Variants in RBM20 observed in about 807,000 individuals in gnomAD.
RBM20 encodes RNA binding motif protein 20.
RBM20 carries 51 observed loss-of-function variants against 110.1 expected under a neutral mutation model. That is an observed-to-expected ratio of 0.46 (90% confidence interval 0.37 to 0.59). The LOEUF (loss-of-function observed/expected upper bound fraction) is 0.59. RBM20 is among the 20% of genes least tolerant of loss of function. The pLI is 0.00. For missense variants in RBM20, 1,512 were observed against 1,574.9 expected (o/e 0.96, Z 0.68); for synonymous variants, 589 against 618.2 (o/e 0.95, Z 0.70).
intron 5 of RBM20, among the ~76,000 whole-genome samples, chr10:110,788,587 C>A (rs528523804): frequency 6.6e-5 from 10 of 152,202 alleles, no homozygotes; most frequent in Admixed American, 3.9e-4. Flanking sequence ...GCTGGTCCCC[C>A]GGTTTGCCAT....
intron 1 of RBM20, among the ~76,000 whole-genome samples, chr10:110,700,144 A>AG (rs1862736155): frequency 6.6e-6 from 1 of 152,138 alleles, no homozygotes; most frequent in South Asian, 2.1e-4. Flanking sequence ...ACTGTGGGTA[A>AG]GGGGGGACTA....
intron 1 of RBM20, among the ~76,000 whole-genome samples, chr10:110,692,202 A>G (rs1428999644): frequency 6.6e-6 from 1 of 152,104 alleles, no homozygotes; most frequent in Non-Finnish European, 1.5e-5. Context: ...GGAGGTATAC[A>G]TTTCCCAACT....
intron 1 of RBM20, among the ~76,000 whole-genome samples, chr10:110,705,321 A>G (rs1331620175): frequency 2.0e-5 from 3 of 152,376 alleles, no homozygotes; most frequent in East Asian, 3.9e-4. Flanking sequence ...TAAACAATGA[A>G]TGATTGAAGA....
At chr10:110,733,134 C>T (rs776852652) in intron 1 of RBM20, among the ~76,000 whole-genome samples, 2 of 152,154 alleles carry the variant, frequency 1.3e-5, no homozygotes, top group Non-Finnish European at 2.9e-5. Flanking sequence ...TGAAAGGATC[C>T]GTACAGCCAG....
At chr10:110,762,346 A>C (rs1400468107) in intron 1 of RBM20, among the ~76,000 whole-genome samples, 1 of 152,218 alleles carries the variant, frequency 6.6e-6, no homozygotes, top group Non-Finnish European at 1.5e-5. Context: ...GGTATACAGT[A>C]GGTACTCAAT....
At chr10:110,734,394 C>A (rs1479827576) in intron 1 of RBM20, among the ~76,000 whole-genome samples, 1 of 152,218 alleles carries the variant, frequency 6.6e-6, no homozygotes, top group Non-Finnish European at 1.5e-5. Context: ...GGCACTCATA[C>A]ACATTTGTAA....
At chr10:110,669,708 C>T (rs1244598261) in intron 1 of RBM20, among the ~76,000 whole-genome samples, 1 of 152,204 alleles carries the variant, frequency 6.6e-6, no homozygotes, top group Non-Finnish European at 1.5e-5. Flanking sequence ...AGGCATGAGC[C>T]ACTGTATCTG....
chr10:110,741,259 G>A (rs2134968582), intron 1 of RBM20, among the ~76,000 whole-genome samples: 1 of 152,306 alleles, frequency 6.6e-6, no homozygotes, highest in African/African-American at 2.4e-5. Context: ...ATATTTGTTA[G>A]GGTGGATACA....
Position 110,743,944 on chromosome 10 carries a change from G to A in RBM20, c.192-36857G>A, listed in dbSNP as rs200547774. The stretch of plus-strand genomic sequence containing the variant: ...CTTTTATTTTTATTTGGTGTTCCTT[G>A]TTGGAAGAGATCAGCTTCTCTTCAC... On this transcript the variant is annotated intron_variant, in intron 1 of 13. Coordinates refer to ENST00000369519, the MANE Select transcript of RBM20 (RefSeq NM_001134363.3). Among the ~76,000 whole-genome samples, 9 of 152,222 alleles carry A rather than the reference G, an allele frequency of 5.9e-5. No individual in the cohort carries two copies. The East Asian group carries it at 1.7e-3, about 29-fold the overall frequency.
intron 1 of RBM20, among the ~76,000 whole-genome samples, chr10:110,742,781 G>A (rs142279145): frequency 1.6e-3 from 250 of 152,292 alleles, no homozygotes; most frequent in African/African-American, 5.6e-3. Flanking sequence ...TGGGAGGCTC[G>A]GTTAGTATTT....
chr10:110,829,024 G>T (rs1175054627), intron 12 of RBM20, among the ~76,000 whole-genome samples: 1 of 152,140 alleles, frequency 6.6e-6, no homozygotes, highest in Non-Finnish European at 1.5e-5. Context: ...GGGACTCAGA[G>T]GACTCAACAG....
chr10:110,773,402 A>G (rs1468829383), intron 1 of RBM20, among the ~76,000 whole-genome samples: 2 of 152,188 alleles, frequency 1.3e-5, no homozygotes, highest in East Asian at 1.9e-4. Flanking sequence ...TTGAAGCAAA[A>G]TGACCATTAC....
At chr10:110,778,164 T>G (rs1844292304) in intron 1 of RBM20, among the ~76,000 whole-genome samples, 1 of 152,236 alleles carries the variant, frequency 6.6e-6, no homozygotes, top group Admixed American at 6.5e-5. Flanking sequence ...AGAACAGGGC[T>G]GTAACTACCT....
At chr10:110,799,479 A>G (rs762010010) in intron 6 of RBM20, among the ~76,000 whole-genome samples, 1 of 152,208 alleles carries the variant, frequency 6.6e-6, no homozygotes, top group Non-Finnish European at 1.5e-5. Context: ...TATAAAACAC[A>G]TACTCTACAG....
chr10:110,711,370 G>A (rs1464687335), intron 1 of RBM20, among the ~76,000 whole-genome samples: 4 of 148,872 alleles, frequency 2.7e-5, no homozygotes, highest in African/African-American at 9.9e-5. Flanking sequence ...GTCCAGGAGA[G>A]GGGAGGTGTG....
At chr10:110,674,300 AT>A (rs1862301887) in intron 1 of RBM20, among the ~76,000 whole-genome samples, 1 of 152,156 alleles carries the variant, frequency 6.6e-6, no homozygotes, top group African/African-American at 2.4e-5. Flanking sequence ...CAGTTCACAT[AT>A]TCTGCACCTG....
intron 9 of RBM20, among the ~76,000 whole-genome samples, chr10:110,815,845 G>A (rs1844830888): frequency 6.6e-6 from 1 of 152,166 alleles, no homozygotes; most frequent in Non-Finnish European, 1.5e-5. Context: ...AGTTGGTTCT[G>A]CCTCTTACAA....
rs1843707782 is a variant in RBM20 at position 110,739,884 on chromosome 10, G to A, written c.192-40917G>A. Reference sequence around the variant, plus strand: ...AACACAGCCCACAAGCAGTGAGGAAGCCACTCCCAGCGGCCCTGCCCGTCT... The same window carrying A: ...AACACAGCCCACAAGCAGTGAGGAAACCACTCCCAGCGGCCCTGCCCGTCT... On this transcript the variant is annotated intron_variant, in intron 1 of 13. Coordinates refer to ENST00000369519, the MANE Select transcript of RBM20 (RefSeq NM_001134363.3). The surrounding 1 kb of genome is among the most constrained non-coding windows in gnomAD (Gnocchi z 4.1). Among the ~76,000 whole-genome samples, 1 of 152,236 alleles carries A rather than the reference G, an allele frequency of 6.6e-6. No homozygotes were observed. The highest frequency in any genetic ancestry group is 1.5e-5 in the Non-Finnish European group (1 of 68,044).
intron 1 of RBM20, among the ~76,000 whole-genome samples, chr10:110,658,509 C>A (rs1862058330): frequency 6.6e-6 from 1 of 152,182 alleles, no homozygotes; most frequent in Admixed American, 6.5e-5. Flanking sequence ...GGCCTTCTGA[C>A]TCCTTCCAAG....
Sources: gnomAD v4.1 joint callset for allele counts (sites outside exome capture counted in the v4.1 genomes callset) on GRCh38, gnomAD v4.1.1 for gene constraint, Gnocchi (gnomAD v3.1) non-coding constraint, MANE v1.5 for transcripts, NCBI Gene and HGNC (gene_info 2026-07-23, HGNC 2026-07-21) for gene names.